The following DENND2B variants were observed in gnomAD, a reference collection of about 807,000 sequenced individuals.
DENND2B encodes DENN domain containing 2B.
DENND2B carries 32 observed loss-of-function variants against 116.0 expected under a neutral mutation model. The observed-to-expected ratio is 0.28, with a 90% CI of 0.21 to 0.37. DENND2B has a LOEUF of 0.37. Among genes scored for constraint, DENND2B ranks in the 10% least tolerant of loss-of-function variants. DENND2B has a pLI of 1.00. For missense variants in DENND2B, 1,276 were observed against 1,477.7 expected, an observed-to-expected ratio of 0.86 and a Z score of 2.24; for synonymous variants, 588 against 583.9, an observed-to-expected ratio of 1.01 and a Z score of -0.10.
chr11:8,795,256 T>C (rs978536354), intron 1 of DENND2B, among the ~76,000 whole-genome samples: 2 of 152,204 alleles, frequency 1.3e-5, no homozygotes, highest in African/African-American at 4.8e-5. Context: ...GTAAGCCACC[T>C]AAGAACATCT....
chr11:8,711,760 G>A (rs942456602), intron 9 of DENND2B: 7 of 269,880 alleles, frequency 2.6e-5, no homozygotes, highest in African/African-American at 1.5e-4. Flanking sequence ...CCAGCTACTT[G>A]GGAGGCTGAG....
chr11:8,846,491 T>C (rs2062819227), intron 3 of DENND2B, among the ~76,000 whole-genome samples: 1 of 152,078 alleles, frequency 6.6e-6, no homozygotes, highest in African/African-American at 2.4e-5. Flanking sequence ...GTCATCACAA[T>C]GGGGAGGAGG....
chr11:8,876,890 A>G (rs1469977870), intron 2 of DENND2B, among the ~76,000 whole-genome samples: 10 of 151,482 alleles, frequency 6.6e-5, no homozygotes, highest in East Asian at 1.9e-4. Flanking sequence ...AAAAAAAAAA[A>G]AAAGAAAGAA....
intron 1 of DENND2B, among the ~76,000 whole-genome samples, chr11:8,786,829 C>T (rs1296646147): frequency 6.6e-6 from 1 of 151,724 alleles, no homozygotes; most frequent in Non-Finnish European, 1.5e-5. Flanking sequence ...AGAAAACAAA[C>T]AAACAAACAA....
At chr11:8,697,272 T>C (rs1486293352) in intron 17 of DENND2B, among the ~76,000 whole-genome samples, 2 of 152,272 alleles carry the variant, frequency 1.3e-5, no homozygotes, top group African/African-American at 2.4e-5. Context: ...TCTCCTGCAA[T>C]GGCTTGAGGC....
intron 1 of DENND2B, among the ~76,000 whole-genome samples, chr11:8,891,336 C>T (rs532981973): frequency 1.3e-5 from 2 of 152,298 alleles, no homozygotes; most frequent in African/African-American, 4.8e-5. Flanking sequence ...CATCAACTAA[C>T]AGGCAAAATA....
In DENND2B at chr11:8,712,659, C is replaced by G. The variant is rs371659376; in HGVS notation, c.2064G>C (p.Leu688=). Residue 688 remains leucine (L), a synonymous_variant, in exon 9 of 20, where the codon CTG becomes CTC. Transcript: ENST00000313726. The surrounding 1 kb of genome is among the most constrained non-coding windows in gnomAD (Gnocchi z 4.4). The part of the protein sequence containing the change: ...APSYRTLELE[L]LEWQERELFE... ...AAAGCTCCCGCTCCTGCCACTCCAG[C>G]AGCTCCAGCTCCAGCGTGCGATAGC... is the stretch of plus-strand genomic sequence containing the variant. The G allele has an allele frequency of 2.5e-6, 4 of 1,603,488 alleles. No homozygotes were observed. The highest frequency in any genetic ancestry group is 2.7e-5 in the African/African-American group (2 of 74,850).
chr11:8,723,214 T>C (rs1027535443), intron 4 of DENND2B, among the ~76,000 whole-genome samples: 5 of 152,206 alleles, frequency 3.3e-5, no homozygotes, highest in African/African-American at 1.2e-4. Context: ...GTTTTTCTGA[T>C]GTCCCTTGAC....
chr11:8,842,876 G>A (rs573824906), intron 3 of DENND2B, among the ~76,000 whole-genome samples: 6 of 152,252 alleles, frequency 3.9e-5, no homozygotes, highest in South Asian at 4.1e-4. Context: ...GGGTGATTTC[G>A]TAAATGCATA....
intron 2 of DENND2B, among the ~76,000 whole-genome samples, chr11:8,747,664 T>A (rs1173138968): frequency 1.3e-5 from 2 of 151,984 alleles, no homozygotes; most frequent in East Asian, 3.9e-4. Flanking sequence ...GGAGAGTGTA[T>A]CTGGCAGGTA....
intron 1 of DENND2B, among the ~76,000 whole-genome samples, chr11:8,882,874 G>C (rs2063917704): frequency 2.0e-5 from 3 of 152,160 alleles, no homozygotes; most frequent in South Asian, 2.1e-4. Flanking sequence ...TGTGATCCCA[G>C]CTACTTGGGA....
chr11:8,885,731 AG>A (rs2063953265), intron 1 of DENND2B, among the ~76,000 whole-genome samples: 1 of 152,360 alleles, frequency 6.6e-6, no homozygotes, highest in South Asian at 2.1e-4. Context: ...TTATATAAAA[AG>A]AAAAATATTA....
intron 19 of DENND2B, chr11:8,694,551 T>G (rs1303009777): frequency 2.6e-5 from 12 of 458,930 alleles, no homozygotes; most frequent in South Asian, 1.4e-4. Flanking sequence ...AAAGACCTGA[T>G]GTATGTGGGA....
At position 8,707,625 on chromosome 11, in the gene DENND2B, G is replaced by A; in HGVS notation, c.2430+152C>T. On this transcript the variant is annotated intron_variant, in intron 12 of 19. Coordinates refer to ENST00000313726, the MANE Select transcript of DENND2B (RefSeq NM_213618.2). This position sits in a 1 kb window ranked among gnomAD's most constrained non-coding sequence, Gnocchi z 4.8. ...TAGAGAACCAGGCCGGGGAATGGGA[G>A]GGTGTCAGAGAGCTCACTGGTACTT... 5.4e-6 allele frequency: 4 copies of A among 745,578 alleles called. No individual in the cohort carries two copies. The highest frequency in any genetic ancestry group is 1.8e-5 in the African/African-American group (1 of 56,898). 46.2% of individuals were successfully genotyped at this position (745,578 alleles called of 1,614,324 possible).
intron 1 of DENND2B, among the ~76,000 whole-genome samples, chr11:8,759,304 T>C (rs1048448415): frequency 6.6e-6 from 1 of 152,204 alleles, no homozygotes; most frequent in Non-Finnish European, 1.5e-5. Flanking sequence ...ACAGTATGCC[T>C]TGCTCTTGAA....
rs745627859 is a variant in DENND2B at position 8,697,514 on chromosome 11, A to G, written c.3052+11T>C. 4.4e-6 allele frequency: 7 copies of G among 1,608,520 alleles called. No homozygotes were observed. The highest frequency in any genetic ancestry group is 1.3e-5 in the African/African-American group (1 of 74,826). On this transcript the variant is annotated intron_variant, in intron 17 of 19. Transcript: ENST00000313726. ...GGAGCAGAGCTGACCGTGCCCGGGC[A>G]CTATTCTCACCATCGTCGGAGTCGC...
chr11:8,728,670 G>A (rs1173667289), intron 3 of DENND2B, among the ~76,000 whole-genome samples: 1 of 152,112 alleles, frequency 6.6e-6, no homozygotes, highest in African/African-American at 2.4e-5. Flanking sequence ...CCTCTATGAG[G>A]AGCCTCCCTT....
rs538991164 is a variant in DENND2B at position 8,730,465 on chromosome 11, C to G, written c.825G>C (p.Arg275Ser). Residue 275 changes from arginine to serine, a missense_variant, in exon 3 of 20, where the codon AGG becomes AGC. Around this residue, in one of 2 missense-constraint regions of DENND2B, gnomAD observed 856 missense variants for 846.6 expected, o/e 1.01. Transcript: ENST00000313726. This position sits in a 1 kb window ranked among gnomAD's most constrained non-coding sequence, Gnocchi z 4.1. ...GGCTCAGCACTGCTGAGCTCTCCTT[C>G]CTGCTGCCATGCCCCCTGAGGAAGG... Reference protein sequence around the residue: ...PSAFLRGHGSRKESSAVLSRI... With the variant: ...PSAFLRGHGSSKESSAVLSRI... 4 of 1,611,552 alleles carry G rather than the reference C, an allele frequency of 2.5e-6. No individual in the cohort carries two copies. The highest frequency in any genetic ancestry group is 3.4e-6 in the Non-Finnish European group (4 of 1,180,010).
intron 14 of DENND2B, chr11:8,700,073 G>A (rs948827853): frequency 6.9e-6 from 3 of 434,296 alleles, no homozygotes; most frequent in African/African-American, 4.1e-5. Flanking sequence ...CTGGGGGGGG[G>A]CAGGGTGGCA....
Sources: gnomAD v4.1 joint callset for allele counts (sites outside exome capture counted in the v4.1 genomes callset) on GRCh38, gnomAD v4.1.1 for gene constraint, gnomAD v4.1.1 regional missense constraint, Gnocchi (gnomAD v3.1) non-coding constraint, MANE v1.5 for transcripts, NCBI Gene and HGNC (gene_info 2026-07-23, HGNC 2026-07-21) for gene names.